Variants in TGFA observed in about 807,000 individuals in gnomAD.
The protein encoded by TGFA is transforming growth factor alpha, also known as protransforming growth factor alpha.
TGFA carries 12 observed loss-of-function variants against 21.7 expected under a neutral mutation model. The observed-to-expected ratio is 0.55, with a 90% CI of 0.35 to 0.90. The LOEUF (loss-of-function observed/expected upper bound fraction) is 0.90. Among genes scored for constraint, TGFA ranks in the 40% least tolerant of loss-of-function variants. The probability of loss-of-function intolerance (pLI) is 0.01; values close to 1 mark genes in which losing one functional copy is unlikely to be tolerated. For missense variants in TGFA, 178 were observed against 210.8 expected, an observed-to-expected ratio of 0.84 and a Z score of 0.96; for synonymous variants, 79 against 88.1, an observed-to-expected ratio of 0.90 and a Z score of 0.58.
intron 1 of TGFA, among the ~76,000 whole-genome samples, chr2:70,531,180 G>C (rs1194635631): frequency 6.6e-6 from 1 of 152,162 alleles, no homozygotes; most frequent in Non-Finnish European, 1.5e-5. Flanking sequence ...CTCAACAAGG[G>C]CCCAAAGTTG....
At chr2:70,464,083 A>T (rs972906268) in intron 3 of TGFA, among the ~76,000 whole-genome samples, 3 of 152,194 alleles carry the variant, frequency 2.0e-5, no homozygotes, top group Non-Finnish European at 4.4e-5. Context: ...GCCCAGACTC[A>T]CACAGCTGCA....
At chr2:70,536,760 C>A (rs74818568) in intron 1 of TGFA, among the ~76,000 whole-genome samples, 1,732 of 152,288 alleles carry the variant, frequency 0.011, 16 homozygotes, top group Non-Finnish European at 0.016. Flanking sequence ...TATCTAAAAT[C>A]AATACGCTAA....
Position 70,449,868 on chromosome 2 carries a change from C to A in TGFA, c.*991G>T. The A allele has an allele frequency of 5.8e-6, 1 of 173,444 alleles. No homozygotes were observed. The highest frequency in any genetic ancestry group is 6.0e-5 in the Admixed American group (1 of 16,654). The allele number at this position is 173,444 out of a possible 1,614,324, so 10.7% of individuals were successfully genotyped here. ...GAAGTGAACCCATTTAATCACTGAG[C>A]AGTACAATATGTATTGGGTTTATCC... On this transcript the variant is annotated 3_prime_UTR_variant, in exon 6 of 6. Transcript: ENST00000295400.
chr2:70,514,963 A>AAGGGTC, intron 1 of TGFA, 51 bp from the exon 2 acceptor site: 1 of 1,572,584 alleles, frequency 6.4e-7, no homozygotes, highest in Middle Eastern at 1.7e-4. Context: ...TTGGCAAATG[A>AAGGGTC]TGTCCTCAGA....
chr2:70,542,112 G>A (rs547786802), intron 1 of TGFA, among the ~76,000 whole-genome samples: 4 of 152,214 alleles, frequency 2.6e-5, no homozygotes, highest in East Asian at 1.9e-4. Flanking sequence ...CTGCCATGGC[G>A]GAAGTTACAG....
chr2:70,484,598 G>A (rs3755382), intron 2 of TGFA, among the ~76,000 whole-genome samples: 42,028 of 151,922 alleles, frequency 0.28, 6,492 homozygotes, highest in East Asian at 0.39. Flanking sequence ...GTTCAGATGT[G>A]CTACCCACCC....
At chr2:70,454,585 G>A (rs1670167604) in intron 4 of TGFA, among the ~76,000 whole-genome samples, 1 of 152,196 alleles carries the variant, frequency 6.6e-6, no homozygotes, top group Non-Finnish European at 1.5e-5. Flanking sequence ...TCCCAGATAG[G>A]AGCATCCCCG....
chr2:70,473,371 C>T (rs926325260), intron 2 of TGFA, among the ~76,000 whole-genome samples: 3 of 151,740 alleles, frequency 2.0e-5, no homozygotes, highest in East Asian at 1.9e-4. Context: ...GGATCCTGCT[C>T]CCCTGGGCAG....
chr2:70,456,915 T>C (rs1670249999), intron 3 of TGFA, among the ~76,000 whole-genome samples: 2 of 152,348 alleles, frequency 1.3e-5, no homozygotes, highest in South Asian at 4.1e-4. Context: ...AGTGGAGACA[T>C]TGGCTTGTGG....
intron 2 of TGFA, among the ~76,000 whole-genome samples, chr2:70,504,467 C>CATATATATATATATATATAT (rs1264518373): frequency 6.0e-5 from 5 of 82,916 alleles, no homozygotes; most frequent in Non-Finnish European, 7.6e-5. Flanking sequence ...TATATATACA[C>CATATATATATATATATATAT]ACATACATAC....
chr2:70,529,571 AG>A (rs1672748931), intron 1 of TGFA, among the ~76,000 whole-genome samples: 2 of 147,496 alleles, frequency 1.4e-5, no homozygotes, highest in Non-Finnish European at 3.0e-5. Context: ...GCACGTGCAA[AG>A]GTCCTGAGGA....
chr2:70,489,946 C>T (rs3911077), intron 2 of TGFA, among the ~76,000 whole-genome samples: 42,131 of 151,994 alleles, frequency 0.28, 6,503 homozygotes, highest in East Asian at 0.39. Context: ...ATCTTCCACA[C>T]GCATTGCAGT....
At chr2:70,546,112 T>C (rs1673294222) in intron 1 of TGFA, among the ~76,000 whole-genome samples, 1 of 152,228 alleles carries the variant, frequency 6.6e-6, no homozygotes, top group African/African-American at 2.4e-5. Context: ...GGCCAATTTC[T>C]AGAAATTTAT....
intron 2 of TGFA, among the ~76,000 whole-genome samples, chr2:70,499,199 C>T (rs782510410): frequency 2.0e-5 from 3 of 152,220 alleles, no homozygotes; most frequent in Admixed American, 1.3e-4. Context: ...TACCAGTGTA[C>T]ACTCACCTCT....
chr2:70,521,907 C>T (rs940923488), intron 1 of TGFA, among the ~76,000 whole-genome samples: 7 of 152,042 alleles, frequency 4.6e-5, no homozygotes, highest in Non-Finnish European at 1.0e-4. Flanking sequence ...GCCACCGTAC[C>T]GAACCTATTG....
chr2:70,519,586 A>G (rs1170609817), intron 1 of TGFA, among the ~76,000 whole-genome samples: 3 of 152,198 alleles, frequency 2.0e-5, no homozygotes, highest in African/African-American at 7.2e-5. Flanking sequence ...CGTACCATGG[A>G]CTATCCATAA....
intron 2 of TGFA, among the ~76,000 whole-genome samples, chr2:70,498,006 A>G (rs1288487637): frequency 2.6e-5 from 4 of 152,232 alleles, no homozygotes; most frequent in African/African-American, 2.4e-5. Flanking sequence ...AAGAAAGCCA[A>G]TGTGGTATTT....
intron 2 of TGFA, among the ~76,000 whole-genome samples, chr2:70,511,406 G>A (rs1672096244): frequency 6.6e-6 from 1 of 152,118 alleles, no homozygotes; most frequent in Non-Finnish European, 1.5e-5. Context: ...TGGGAGTTAG[G>A]GGCACTCAGA....
intron 3 of TGFA, among the ~76,000 whole-genome samples, chr2:70,464,690 T>C (rs952945839): frequency 2.0e-5 from 3 of 152,240 alleles, no homozygotes; most frequent in Non-Finnish European, 2.9e-5. Context: ...GACAGACTGA[T>C]TGTCTTTAAA....
Sources: gnomAD v4.1 joint callset for allele counts (sites outside exome capture counted in the v4.1 genomes callset) on GRCh38, gnomAD v4.1.1 for gene constraint, MANE v1.5 for transcripts, NCBI Gene and HGNC (gene_info 2026-07-23, HGNC 2026-07-21) for gene names.